The following EXOC2 variants were observed in gnomAD, a reference collection of about 807,000 sequenced individuals.
EXOC2 encodes SEC5-like 1.
EXOC2 carries 70 observed loss-of-function variants against 131.8 expected under a neutral mutation model. The observed-to-expected ratio is 0.53, with a 90% CI of 0.44 to 0.65. The LOEUF is 0.65. Ranked by LOEUF, EXOC2 falls within the 30% of genes least tolerant of loss-of-function variation. The pLI, the probability that EXOC2 is intolerant of heterozygous loss-of-function variation, is 0.00. For synonymous variants in EXOC2, 411 were observed against 398.4 expected, an observed-to-expected ratio of 1.03 and a Z score of -0.38; for missense variants, 923 against 1,108.6, an observed-to-expected ratio of 0.83 and a Z score of 2.38.
At chr6:544,231 A>C (rs569399515) in intron 22 of EXOC2, among the ~76,000 whole-genome samples, 1 of 152,286 alleles carries the variant, frequency 6.6e-6, no homozygotes, top group African/African-American at 2.4e-5. Context: ...TGGAATGTGA[A>C]ATCTTATGTT....
At chr6:502,529 G>A (rs765652196) in intron 23 of EXOC2, among the ~76,000 whole-genome samples, 5 of 152,020 alleles carry the variant, frequency 3.3e-5, no homozygotes, top group Non-Finnish European at 5.9e-5. Flanking sequence ...GAACCCACCC[G>A]CCTAAGCATT....
At chr6:641,933 A>G (rs973397063) in intron 1 of EXOC2, among the ~76,000 whole-genome samples, 16 of 152,048 alleles carry the variant, frequency 1.1e-4, no homozygotes, top group African/African-American at 3.9e-4. Flanking sequence ...CTTTAAAATA[A>G]TCTTCTATGA....
chr6:505,952 C>T (rs1229007575), intron 23 of EXOC2, among the ~76,000 whole-genome samples: 2 of 152,108 alleles, frequency 1.3e-5, no homozygotes, highest in East Asian at 3.8e-4. Context: ...AGAGAAAAAC[C>T]TAAATATATG....
At chr6:521,176 C>A (rs1225694570) in intron 23 of EXOC2, among the ~76,000 whole-genome samples, 1 of 149,856 alleles carries the variant, frequency 6.7e-6, no homozygotes, top group African/African-American at 2.5e-5. Context: ...AAACAACCAC[C>A]CACTGACTGC....
chr6:487,903 G>A (rs1261160165), intron 27 of EXOC2, among the ~76,000 whole-genome samples: 1 of 152,112 alleles, frequency 6.6e-6, no homozygotes, highest in African/African-American at 2.4e-5. Flanking sequence ...TGTATTGTTC[G>A]TGACACACTA....
intron 24 of EXOC2, among the ~76,000 whole-genome samples, chr6:498,011 T>C (rs939142550): frequency 5.9e-5 from 9 of 152,262 alleles, no homozygotes; most frequent in Non-Finnish European, 1.2e-4. Flanking sequence ...TACATTATTT[T>C]CAAACCTTAA....
Position 525,393 on chromosome 6 carries a change from C to T in EXOC2, c.2380+7076G>A, listed in dbSNP as rs552491540. 9 of 152,276 alleles carry T rather than the reference C, an allele frequency of 5.9e-5. No individual in the cohort carries two copies. The South Asian group carries it at 1.9e-3, about 32-fold the overall frequency. The allele number at this position is 152,276 out of a possible 1,614,324, so 9.4% of individuals were successfully genotyped here. On this transcript the variant is annotated intron_variant, in intron 23 of 27. Coordinates refer to ENST00000230449, the MANE Select transcript of EXOC2 (RefSeq NM_018303.6). Reference sequence around the variant, plus strand: ...GAACATTGTTCAATGAGTGTTCTTGCAATGACTAGAGGCTTTCCTCTAGAC... The same window carrying T: ...GAACATTGTTCAATGAGTGTTCTTGTAATGACTAGAGGCTTTCCTCTAGAC...
At chr6:607,098 G>A (rs1445867599) in intron 7 of EXOC2, among the ~76,000 whole-genome samples, 1 of 152,196 alleles carries the variant, frequency 6.6e-6, no homozygotes, top group Non-Finnish European at 1.5e-5. Flanking sequence ...GTGAATTAAA[G>A]GGCTGGAGGG....
intron 1 of EXOC2, chr6:669,666 G>A (rs1763775200): frequency 6.6e-6 from 1 of 152,178 alleles, no homozygotes; most frequent in Admixed American, 6.5e-5. Flanking sequence ...GGCTGTACCT[G>A]GAAGGATGGA....
At chr6:535,564 G>A (rs557964931) in intron 22 of EXOC2, among the ~76,000 whole-genome samples, 1 of 152,258 alleles carries the variant, frequency 6.6e-6, no homozygotes, top group Non-Finnish European at 1.5e-5. Context: ...ATCAAGTCTT[G>A]ACAACATAGA....
At chr6:540,514 A>C (rs528575152) in intron 22 of EXOC2, among the ~76,000 whole-genome samples, 4 of 152,380 alleles carry the variant, frequency 2.6e-5, no homozygotes, top group South Asian at 2.1e-4. Flanking sequence ...GAAGAAACAC[A>C]ACTGAAATAA....
intron 25 of EXOC2, 66 bp downstream of exon 25, chr6:497,301 C>T: frequency 2.0e-6 from 3 of 1,505,736 alleles, no homozygotes; most frequent in Non-Finnish European, 2.8e-6. Context: ...AGATTGATGA[C>T]TAAAAACATT....
chr6:494,089 AT>A (rs1342611466), intron 25 of EXOC2, among the ~76,000 whole-genome samples: 1 of 152,222 alleles, frequency 6.6e-6, no homozygotes, highest in Non-Finnish European at 1.5e-5. Context: ...TGATGGAACT[AT>A]TATAATAACC....
Position 499,657 on chromosome 6 carries a change from G to A in EXOC2, c.2424C>T (p.Ala808=), listed in dbSNP as rs757350757. Reference sequence around the variant, plus strand: ...AATGATACTTTACCTCTGCATGCACGGCAATTATATTCACCAGTGCTTCTT... The same window carrying A: ...AATGATACTTTACCTCTGCATGCACAGCAATTATATTCACCAGTGCTTCTT... ...YLKEALVNII[A]VHAEVFTISK... is the part of the protein sequence containing the mutation. Residue 808 remains alanine, a synonymous_variant, in exon 24 of 28, where the codon GCC becomes GCT. Coordinates refer to ENST00000230449, the MANE Select transcript of EXOC2 (RefSeq NM_018303.6). The A allele has an allele frequency of 7.8e-5, 126 of 1,612,970 alleles. 1 individual carries two copies. The highest frequency in any genetic ancestry group is 9.7e-5 in the Non-Finnish European group (115 of 1,179,562).
intron 5 of EXOC2, among the ~76,000 whole-genome samples, chr6:618,558 T>A (rs898780394): frequency 6.6e-6 from 1 of 152,228 alleles, no homozygotes; most frequent in Non-Finnish European, 1.5e-5. Flanking sequence ...TAATGTAAAA[T>A]CAGAATCATC....
intron 6 of EXOC2, 135 bp downstream of exon 6, chr6:617,576 C>A: frequency 7.9e-7 from 1 of 1,268,106 alleles, no homozygotes; most frequent in South Asian, 1.9e-5. Context: ...TACTCTGCAA[C>A]AAATATTTAT....
intron 23 of EXOC2, among the ~76,000 whole-genome samples, chr6:514,193 T>C (rs367948671): frequency 6.0e-4 from 92 of 152,204 alleles, no homozygotes; most frequent in African/African-American, 2.1e-3. Context: ...TGTGGTCTCT[T>C]AGGAAATGTT....
Position 486,709 on chromosome 6 carries a change from A to G in EXOC2, c.2737T>C (p.Cys913Arg). 2 of 1,614,208 alleles carry G rather than the reference A, an allele frequency of 1.2e-6. No homozygotes were observed. Among genetic ancestry groups the G allele is most frequent in the East Asian group, 2.2e-5 (1 of 44,878 alleles). Residue 913 changes from cysteine to arginine, a missense_variant, in exon 28 of 28, where the codon TGT becomes CGT. By Grantham distance (180) the Cys-to-Arg change is radical. Transcript: ENST00000230449. The part of the protein sequence containing the change: ...FKSSMHLQLT[C>R]FQAASSTMMK... The stretch of plus-strand genomic sequence containing the variant: ...ATGGTTGAAGAAGCTGCTTGGAAAC[A>G]GGTGAGCTGCAAGTGCATGCTACTC...
At chr6:631,771 TAAAA>T (rs1386325992) in intron 3 of EXOC2, among the ~76,000 whole-genome samples, 1 of 152,054 alleles carries the variant, frequency 6.6e-6, no homozygotes, top group Non-Finnish European at 1.5e-5. Flanking sequence ...AGACACTAAA[TAAAA>T]AGAGTAAACA....
Sources: gnomAD v4.1 joint callset for allele counts (sites outside exome capture counted in the v4.1 genomes callset) on GRCh38, gnomAD v4.1.1 for gene constraint, MANE v1.5 for transcripts, NCBI Gene and HGNC (gene_info 2026-07-23, HGNC 2026-07-21) for gene names.